The following COL21A1 variants were observed in gnomAD, a reference collection of about 807,000 sequenced individuals.
COL21A1 encodes the protein collagen alpha-1(XXI) chain.
A neutral mutation model predicts 137.9 loss-of-function variants in COL21A1; 149 were observed. The ratio of observed to expected loss-of-function variants is 1.08; its 90% CI spans 0.95 to 1.24. COL21A1 has a LOEUF of 1.24. Ranked by LOEUF, COL21A1 falls within the 50% of genes most tolerant of loss-of-function variation. COL21A1 has a pLI of 0.00. For missense variants in COL21A1, 1,167 were observed against 1,158.4 expected (o/e 1.01, Z -0.11); for synonymous variants, 456 against 391.5 (o/e 1.16, Z -1.95).
chr6:56,190,774 G>A (rs551674756), intron 1 of COL21A1, among the ~76,000 whole-genome samples: 1 of 152,130 alleles, frequency 6.6e-6, no homozygotes, highest in Non-Finnish European at 1.5e-5. Context: ...GGGATGCAAG[G>A]CTGGTTCAAC....
At chr6:56,325,636 A>T (rs182163133) in intron 1 of COL21A1, among the ~76,000 whole-genome samples, 5 of 328 alleles carry the variant, frequency 0.015, 1 homozygote, top group Non-Finnish European at 0.11. Flanking sequence ...TATTATATAT[A>T]ATATATAATA....
chr6:56,269,327 C>A (rs9396186), intron 1 of COL21A1, among the ~76,000 whole-genome samples: 35,274 of 152,068 alleles, frequency 0.23, 4,466 homozygotes, highest in Non-Finnish European at 0.29. Flanking sequence ...CCAAAGTCAA[C>A]ATGAAAGAAA....
chr6:56,068,767 C>A (rs1191109878), intron 22 of COL21A1: 1 of 220,410 alleles, frequency 4.5e-6, no homozygotes, highest in Non-Finnish European at 8.8e-6. Context: ...GTGAAAAAAA[C>A]CTGAATTTAC....
At chr6:56,110,096 C>T (rs1293710752) in intron 16 of COL21A1, among the ~76,000 whole-genome samples, 1 of 151,750 alleles carries the variant, frequency 6.6e-6, no homozygotes, top group African/African-American at 2.4e-5. Context: ...AAAACATTTG[C>T]AAATTGAATC....
At chr6:56,101,923 T>C (rs1488023286) in intron 16 of COL21A1, among the ~76,000 whole-genome samples, 1 of 152,094 alleles carries the variant, frequency 6.6e-6, no homozygotes, top group Admixed American at 6.6e-5. Context: ...CTTCAAAGAG[T>C]TACATTTTAA....
intron 12 of COL21A1, among the ~76,000 whole-genome samples, chr6:56,138,164 G>T (rs550182704): frequency 2.0e-5 from 3 of 151,934 alleles, no homozygotes; most frequent in Admixed American, 6.6e-5. Context: ...CTGAAAACCC[G>T]ATTGTAACAA....
chr6:56,303,339 G>A (rs946865849), intron 1 of COL21A1, among the ~76,000 whole-genome samples: 6 of 152,048 alleles, frequency 3.9e-5, no homozygotes, highest in South Asian at 2.1e-4. Flanking sequence ...CCATTTTCAC[G>A]ATACTGATTC....
chr6:56,328,607 T>C (rs1311768454), intron 1 of COL21A1, among the ~76,000 whole-genome samples: 1 of 152,128 alleles, frequency 6.6e-6, no homozygotes, highest in Non-Finnish European at 1.5e-5. Context: ...AAATAACAAG[T>C]TATAATGAAG....
At chr6:56,328,236 A>G (rs532636681) in intron 1 of COL21A1, among the ~76,000 whole-genome samples, 3 of 152,234 alleles carry the variant, frequency 2.0e-5, no homozygotes, top group African/African-American at 7.2e-5. Flanking sequence ...TATTTTTAAA[A>G]TATGAGTTCT....
chr6:56,171,310 AT>A (rs1399200865), intron 3 of COL21A1, among the ~76,000 whole-genome samples, 182 bp from the exon 4 acceptor site: 1 of 151,988 alleles, frequency 6.6e-6, no homozygotes, highest in Non-Finnish European at 1.5e-5. Context: ...ATGTAGAAGT[AT>A]TTTACACATT....
intron 7 of COL21A1, among the ~76,000 whole-genome samples, chr6:56,165,427 A>G (rs1162307551): frequency 6.6e-6 from 1 of 152,228 alleles, no homozygotes. Context: ...GGAAGGGAGA[A>G]TTCAAAATCA....
At position 56,090,803 on chromosome 6, in the gene COL21A1, G is replaced by C. The variant is rs552314875; in HGVS notation, c.1812+10669C>G. Among the ~76,000 whole-genome samples, 5 of 151,624 alleles carry C rather than the reference G, an allele frequency of 3.3e-5. No homozygotes were observed. In the South Asian group the frequency reaches 1.0e-3, roughly 32 times the overall value. On this transcript the variant is annotated intron_variant, in intron 17 of 29. Coordinates refer to ENST00000244728, the MANE Select transcript of COL21A1 (RefSeq NM_030820.4). ...TGTACTATCCAAATTGTTACATGTG[G>C]GTTGCCTTCACACTAAGAACTGCTG... is the stretch of plus-strand genomic sequence containing the variant.
intron 16 of COL21A1, among the ~76,000 whole-genome samples, chr6:56,121,512 GTA>G (rs1372843162): frequency 4.4e-4 from 53 of 121,028 alleles, no homozygotes; most frequent in African/African-American, 9.4e-4. Flanking sequence ...ATTCATATGT[GTA>G]TATATATATA....
chr6:56,333,131 A>C (rs1332353842), intron 1 of COL21A1, among the ~76,000 whole-genome samples: 1 of 152,092 alleles, frequency 6.6e-6, no homozygotes, highest in Non-Finnish European at 1.5e-5. Flanking sequence ...GGTATAACTG[A>C]CATACAATAA....
intron 1 of COL21A1, among the ~76,000 whole-genome samples, chr6:56,382,553 G>A (rs536847962): frequency 6.4e-4 from 98 of 152,244 alleles, no homozygotes; most frequent in Non-Finnish European, 1.1e-3. Context: ...GCTTTTAGGA[G>A]GTAATTGTGG....
chr6:56,346,185 C>T (rs532234327), intron 1 of COL21A1, among the ~76,000 whole-genome samples: 1 of 152,320 alleles, frequency 6.6e-6, no homozygotes, highest in South Asian at 2.1e-4. Context: ...ACTTACTCAT[C>T]ACCCTAGAAA....
chr6:56,159,897 T>C (rs1776067247), intron 9 of COL21A1, among the ~76,000 whole-genome samples: 1 of 152,162 alleles, frequency 6.6e-6, no homozygotes, highest in Non-Finnish European at 1.5e-5. Flanking sequence ...TTAATAATAA[T>C]GTTTTCAGTT....
Position 56,162,311 on chromosome 6 carries a change from C to T in COL21A1, c.1371+2112G>A, listed in dbSNP as rs145743737. ...AAATGGAAAGCAGATCAAAAAGGCACGCCAACTTGAAGATTGGTGGAAAAC... is the reference window on the plus strand; with the variant it reads ...AAATGGAAAGCAGATCAAAAAGGCATGCCAACTTGAAGATTGGTGGAAAAC... On this transcript the variant is annotated intron_variant, in intron 9 of 29. Transcript: ENST00000244728. Among the ~76,000 whole-genome samples the T allele has an allele frequency of 3.4e-3, 512 of 152,164 alleles. 2 individuals carry two copies. The highest frequency in any genetic ancestry group is 6.8e-3 in the Middle Eastern group (2 of 294).
chr6:56,143,548 A>G (rs1340899387), intron 10 of COL21A1, among the ~76,000 whole-genome samples: 1 of 152,014 alleles, frequency 6.6e-6, no homozygotes, highest in African/African-American at 2.4e-5. Flanking sequence ...TTCATACTCT[A>G]TTCAGTTCTT....
Sources: allele counts gnomAD v4.1 joint callset (sites outside exome capture counted in the v4.1 genomes callset), GRCh38; gene constraint gnomAD v4.1.1; transcripts MANE v1.5; gene names NCBI Gene and HGNC (gene_info 2026-07-23, HGNC 2026-07-21).